The following PIEZO2 variants were observed in gnomAD, a reference collection of about 807,000 sequenced individuals.
The protein encoded by PIEZO2 is piezo type mechanosensitive ion channel component 2, also known as piezo-type mechanosensitive ion channel component 2.
PIEZO2 carries 172 observed loss-of-function variants against 337.3 expected under a neutral mutation model. That is an observed-to-expected ratio of 0.51 (90% CI 0.45 to 0.58). The LOEUF (loss-of-function observed/expected upper bound fraction) is 0.58. PIEZO2 is among the 20% of genes least tolerant of loss of function. The probability of loss-of-function intolerance (pLI) is 0.00; values close to 1 mark genes in which losing one functional copy is unlikely to be tolerated. For synonymous variants in PIEZO2, 1,251 were observed against 1,228.5 expected (o/e 1.02, Z -0.38); for missense variants, 3,028 against 3,391.3 (o/e 0.89, Z 2.66).
At position 10,767,654 on chromosome 18, in the gene PIEZO2, C is replaced by T. The variant is rs1045599722; in HGVS notation, c.2946+2494G>A. On this transcript the variant is annotated intron_variant, in intron 21 of 55. Transcript: ENST00000674853. This position sits in a 1 kb window ranked among gnomAD's most constrained non-coding sequence, Gnocchi z 4.2. ...GAGCTCTGGTTACAGGGTGCAGAGTCTCTTTGCTGGGCTCCATGTGTACAA... is the reference window on the plus strand; with the variant it reads ...GAGCTCTGGTTACAGGGTGCAGAGTTTCTTTGCTGGGCTCCATGTGTACAA... Among the ~76,000 whole-genome samples, 4 of 152,138 alleles carry T rather than the reference C, an allele frequency of 2.6e-5. No individual in the cohort carries two copies. Among genetic ancestry groups the T allele is most frequent in the African/African-American group, 9.7e-5 (4 of 41,432 alleles).
intron 5 of PIEZO2, 80 bp from the exon 6 acceptor site, chr18:10,857,291 T>G: frequency 8.2e-7 from 1 of 1,219,514 alleles, no homozygotes; most frequent in Non-Finnish European, 1.2e-6. Context: ...TTCTAATTCA[T>G]GGGTCAGTCA....
chr18:10,696,461 C>T lies in PIEZO2; in HGVS notation c.6906G>A (p.Val2302=). 6.2e-7 allele frequency: 1 copy of T among 1,614,198 alleles called. No homozygotes were observed. Among genetic ancestry groups the T allele is most frequent in the East Asian group, 2.2e-5 (1 of 44,888 alleles). ...TGTCAGCCAGGAACATGAGTACATACACGTCAGTCACGGCGCTATACTCCG... is the reference window on the plus strand; with the variant it reads ...TGTCAGCCAGGAACATGAGTACATATACGTCAGTCACGGCGCTATACTCCG... The part of the protein sequence containing the change: ...IHPEYSAVTD[V]YVLMFLADTV... The change falls in exon 46 of 56, where the codon GTG becomes GTA. Residue 2302 remains valine (V), a synonymous_variant. Transcript: ENST00000674853.
In PIEZO2 at chr18:10,782,140, T is replaced by C. The variant is rs2039007445; in HGVS notation, c.2493-1774A>G. Among the ~76,000 whole-genome samples the C allele has an allele frequency of 2.8e-5, 4 of 142,286 alleles. No individual in the cohort carries two copies. In the South Asian group the frequency reaches 8.4e-4, roughly 30 times the overall value. The allele number at this position is 142,286 out of a possible 152,430, so 93.3% of individuals were successfully genotyped here. On this transcript the variant is annotated intron_variant, in intron 17 of 55. Transcript: ENST00000674853. ...TAAGCTTTGAACATTTTATATATTA[T>C]ATGTAAAATGTTATAATTATATATT...
intron 3 of PIEZO2, among the ~76,000 whole-genome samples, chr18:10,935,887 T>C (rs996325760): frequency 6.6e-6 from 1 of 152,212 alleles, no homozygotes; most frequent in Admixed American, 6.5e-5. Flanking sequence ...CCACATTTAC[T>C]TGGAAGGACA....
intron 2 of PIEZO2, among the ~76,000 whole-genome samples, chr18:11,046,529 A>G (rs1429986624): frequency 6.6e-6 from 1 of 152,244 alleles, no homozygotes; most frequent in Non-Finnish European, 1.5e-5. Flanking sequence ...TCAGCTAACA[A>G]GTAATTGTGG....
chr18:10,761,145 G>A (rs2038112266), intron 23 of PIEZO2, 34 bp from the exon 24 acceptor site: 1 of 1,507,976 alleles, frequency 6.6e-7, no homozygotes, highest in Admixed American at 2.0e-5. Flanking sequence ...GTGTCAGCCA[G>A]AGGCTTTATG....
chr18:11,038,092 T>C lies in PIEZO2; in HGVS notation c.160+28035A>G, dbSNP rs1057248808. On this transcript the variant is annotated intron_variant, in intron 2 of 55. Coordinates refer to ENST00000674853, the MANE Select transcript of PIEZO2 (RefSeq NM_001378183.1). The surrounding 1 kb of genome is among the most constrained non-coding windows in gnomAD (Gnocchi z 4.1). ...AGGAGGAAGTCACACTTGTTTTTCATTGGCTCAAAACATTGTAAAAGATAC... is the reference window on the plus strand; with the variant it reads ...AGGAGGAAGTCACACTTGTTTTTCACTGGCTCAAAACATTGTAAAAGATAC... Among the ~76,000 whole-genome samples, 10 of 152,206 alleles carry C rather than the reference T, an allele frequency of 6.6e-5. No homozygotes were observed. Among genetic ancestry groups the C allele is most frequent in the East Asian group, 1.9e-4 (1 of 5,186 alleles).
Position 10,680,210 on chromosome 18 carries a change from C to A in PIEZO2, c.7941G>T (p.Trp2647Cys), listed in dbSNP as rs1195611790. 1.2e-6 allele frequency: 2 copies of A among 1,612,398 alleles called. No individual in the cohort carries two copies. The highest frequency in any genetic ancestry group is 1.7e-6 in the Non-Finnish European group (2 of 1,178,924). Reference protein sequence around the residue: ...PNSSFSVVFSWSIQRNLSLGA... With the variant: ...PNSSFSVVFSCSIQRNLSLGA... ...AATACAGTAACTACCTCTGAATACTCCATGAAAAAACAACAGAGAAGCTAC... is the reference window on the plus strand; with the variant it reads ...AATACAGTAACTACCTCTGAATACTACATGAAAAAACAACAGAGAAGCTAC... The change falls in exon 52 of 56, where the codon TGG becomes TGT. Residue 2647 changes from tryptophan (W) to cysteine (C), a missense_variant. This residue lies in a region of PIEZO2 where 332 missense variants were observed against 363.8 expected (regional missense o/e 0.91). Transcript: ENST00000674853.
At chr18:10,774,525 G>A (rs1033790927) in intron 18 of PIEZO2, among the ~76,000 whole-genome samples, 1 of 152,098 alleles carries the variant, frequency 6.6e-6, no homozygotes, top group African/African-American at 2.4e-5. Context: ...TTACTGATGC[G>A]AACTGTCGAT....
chr18:10,776,805 T>C (rs1456331551), intron 18 of PIEZO2, among the ~76,000 whole-genome samples: 2 of 151,122 alleles, frequency 1.3e-5, no homozygotes, highest in Admixed American at 1.3e-4. Context: ...TTAATTCAGC[T>C]TTTTTTTTCC....
intron 48 of PIEZO2, among the ~76,000 whole-genome samples, 169 bp from the exon 49 acceptor site, chr18:10,689,971 A>G (rs1233887356): frequency 1.3e-5 from 2 of 152,228 alleles, no homozygotes; most frequent in African/African-American, 4.8e-5. Context: ...GCTTTTCATT[A>G]TAAGTCGAAT....
rs2034818873 is a variant in PIEZO2, at chr18:10,691,392, T to G, written c.7191-9A>C. On this transcript the variant is annotated splice_polypyrimidine_tract_variant and intron_variant, in intron 47 of 55. Coordinates refer to ENST00000674853, the MANE Select transcript of PIEZO2 (RefSeq NM_001378183.1). ...GGTTCTGGCTGAATTTCCTAAAATGTAAAAGTACAGAAAGTGAAGCAATGA... is the reference window on the plus strand; with the variant it reads ...GGTTCTGGCTGAATTTCCTAAAATGGAAAAGTACAGAAAGTGAAGCAATGA... 1.2e-6 allele frequency: 2 copies of G among 1,611,212 alleles called. No individual in the cohort carries two copies. The highest frequency in any genetic ancestry group is 2.7e-5 in the African/African-American group (2 of 74,768).
intron 2 of PIEZO2, among the ~76,000 whole-genome samples, chr18:11,010,147 T>C (rs2145651263): frequency 6.6e-6 from 1 of 152,326 alleles, no homozygotes; most frequent in South Asian, 2.1e-4. Flanking sequence ...AAATTCTGTG[T>C]ATCTTTAGTT....
chr18:10,916,557 G>A (rs1273927568), intron 3 of PIEZO2, among the ~76,000 whole-genome samples: 3 of 152,174 alleles, frequency 2.0e-5, no homozygotes, highest in Non-Finnish European at 4.4e-5. Context: ...AGGGCGTGCG[G>A]CACCAGCAGG....
At chr18:10,886,784 C>T (rs1220948241) in intron 4 of PIEZO2, among the ~76,000 whole-genome samples, 1 of 151,618 alleles carries the variant, frequency 6.6e-6, no homozygotes, top group Non-Finnish European at 1.5e-5. Context: ...TGTACTTTCC[C>T]CAAATAAGGA....
intron 3 of PIEZO2, among the ~76,000 whole-genome samples, chr18:10,975,964 G>C (rs2034427463): frequency 6.6e-6 from 1 of 152,154 alleles, no homozygotes; most frequent in African/African-American, 2.4e-5. Flanking sequence ...TGTTATCTAT[G>C]CAGATGCCAA....
chr18:11,017,317 A>G (rs1032065), intron 2 of PIEZO2, among the ~76,000 whole-genome samples: 56,388 of 151,982 alleles, frequency 0.37, 10,827 homozygotes, highest in African/African-American at 0.43. Flanking sequence ...TTAAGAAGAG[A>G]GTTCTTCAAG....
chr18:11,082,354 G>A (rs1233386065), intron 1 of PIEZO2, among the ~76,000 whole-genome samples: 1 of 149,384 alleles, frequency 6.7e-6, no homozygotes, highest in East Asian at 2.0e-4. Context: ...GACTTGCTCT[G>A]TCACCCAGGC....
At chr18:10,876,790 ACATGGGCTCCC>A (rs1201462297) in intron 4 of PIEZO2, among the ~76,000 whole-genome samples, 1 of 152,148 alleles carries the variant, frequency 6.6e-6, no homozygotes, top group African/African-American at 2.4e-5. Context: ...AACACTCACT[ACATGGGCTCCC>A]CTTGCCCATC....
Sources: allele counts gnomAD v4.1 joint callset (sites outside exome capture counted in the v4.1 genomes callset), GRCh38; gene constraint gnomAD v4.1.1; regional missense constraint gnomAD v4.1.1; non-coding constraint Gnocchi (gnomAD v3.1); transcripts MANE v1.5; gene names NCBI Gene and HGNC (gene_info 2026-07-23, HGNC 2026-07-21).